AKAP9: variants seen among roughly 807,000 people sequenced by gnomAD.
The protein encoded by AKAP9 is A-kinase anchor protein 9.
A neutral mutation model predicts 488.5 loss-of-function variants in AKAP9; 311 were observed. The ratio of observed to expected loss-of-function variants is 0.64; its 90% CI spans 0.58 to 0.70. The LOEUF (loss-of-function observed/expected upper bound fraction) is 0.70, where lower values mean the gene tolerates loss of function less well. Among genes scored for constraint, AKAP9 ranks in the 30% least tolerant of loss-of-function variants. The pLI is 0.00. For missense variants in AKAP9, 4,215 were observed against 4,374.5 expected, an observed-to-expected ratio of 0.96 and a Z score of 1.03; for synonymous variants, 1,462 against 1,483.5, an observed-to-expected ratio of 0.99 and a Z score of 0.33.
At chr7:92,043,118 A>G in intron 20 of AKAP9, 1 of 184,382 alleles carries the variant, frequency 5.4e-6, no homozygotes, top group South Asian at 1.2e-4. Context: ...GTTATCCTAC[A>G]TTAGTATTAA....
Position 92,019,086 on chromosome 7 carries a change from T to G in AKAP9, c.3837+1984T>G, listed in dbSNP as rs149572210. ...AGTACAAAGAATATGAAAGAAAAAT[T>G]TATACTTTGTTCTCATTCAGTTATA... On this transcript the variant is annotated intron_variant, in intron 12 of 49. Transcript: ENST00000356239. 2.0e-3 allele frequency among the ~76,000 whole-genome samples: 306 copies of G among 152,244 alleles called. 2 individuals are homozygous for G. Among genetic ancestry groups the G allele is most frequent in the Non-Finnish European group, 3.2e-3 (220 of 68,014 alleles).
intron 12 of AKAP9, among the ~76,000 whole-genome samples, chr7:92,020,166 G>C (rs1376527125): frequency 6.6e-6 from 1 of 152,194 alleles, no homozygotes; most frequent in Non-Finnish European, 1.5e-5. Flanking sequence ...AGGCATTTCA[G>C]AGTTACTTTG....
At chr7:91,988,129 C>A (rs757356908) in intron 3 of AKAP9, among the ~76,000 whole-genome samples, 1 of 151,814 alleles carries the variant, frequency 6.6e-6, no homozygotes, top group Non-Finnish European at 1.5e-5. Flanking sequence ...TTATTCCACA[C>A]GGTAAGATAG....
At chr7:91,969,102 T>G (rs984134906) in intron 1 of AKAP9, among the ~76,000 whole-genome samples, 10 of 151,828 alleles carry the variant, frequency 6.6e-5, no homozygotes, top group African/African-American at 2.4e-4. Context: ...GTTGCCCAGG[T>G]TGGTTTTGAA....
intron 2 of AKAP9, among the ~76,000 whole-genome samples, chr7:91,979,972 G>A (rs1796181560): frequency 6.6e-6 from 1 of 152,194 alleles, no homozygotes. Context: ...GGGGGCTACT[G>A]TATGAGGATT....
At chr7:92,077,920 T>C (rs947594834) in intron 30 of AKAP9, 45 bp downstream of exon 30, 2 of 1,446,916 alleles carry the variant, frequency 1.4e-6, no homozygotes, top group African/African-American at 2.8e-5. Flanking sequence ...TGAACCAGAG[T>C]TTTAAAGGGC....
In AKAP9 at chr7:92,096,811, T is replaced by C; in HGVS notation, c.9852T>C (p.Tyr3284=). The C allele has an allele frequency of 1.2e-6, 2 of 1,614,226 alleles. No homozygotes were observed. Among genetic ancestry groups the C allele is most frequent in the South Asian group, 1.1e-5 (1 of 91,084 alleles). The change falls in exon 41 of 50, where the codon TAT becomes TAC. Residue 3284 remains tyrosine, a synonymous_variant. Transcript: ENST00000356239. ...QQKIESQRML[Y]DAQLSEEQGR... ...AAATAGAATCACAGAGAATGCTATA[T>C]GATGCCCAGTTGTCAGAAGAACAAG...
chr7:92,028,476 C>T (rs887484244), intron 14 of AKAP9, among the ~76,000 whole-genome samples: 1 of 151,476 alleles, frequency 6.6e-6, no homozygotes, highest in African/African-American at 2.4e-5. Flanking sequence ...ATGAGGAAAA[C>T]AGAGACAAAA....
In AKAP9 at chr7:91,995,729, T is replaced by G; in HGVS notation, c.859T>G (p.Tyr287Asp). The G allele has an allele frequency of 9.3e-6, 15 of 1,613,656 alleles. No individual in the cohort carries two copies. Among genetic ancestry groups the G allele is most frequent in the Non-Finnish European group, 1.2e-5 (14 of 1,179,596 alleles). ...LEEQDHLLED[Y>D]QKKKEDFTMQ... ...AGAACAAGACCACTTATTAGAAGATTATCAGAAAAAGAAAGAAGACTTCAC... is the reference window on the plus strand; with the variant it reads ...AGAACAAGACCACTTATTAGAAGATGATCAGAAAAAGAAAGAAGACTTCAC... Residue 287 changes from tyrosine (Y) to aspartate (D), a missense_variant, in exon 7 of 50, where the codon TAT becomes GAT. Around this residue, in one of 5 missense-constraint regions of AKAP9, gnomAD observed 2,361 missense variants for 2,430.0 expected, o/e 0.97. Coordinates refer to ENST00000356239, the MANE Select transcript of AKAP9 (RefSeq NM_005751.5).
At chr7:92,093,810 A>C (rs1816058748) in intron 39 of AKAP9, among the ~76,000 whole-genome samples, 1 of 152,006 alleles carries the variant, frequency 6.6e-6, no homozygotes, top group Non-Finnish European at 1.5e-5. Flanking sequence ...TAAAAGACAA[A>C]AATTTTATTT....
At chr7:92,042,223 C>T in intron 19 of AKAP9, 37 bp downstream of exon 19, 2 of 1,612,590 alleles carry the variant, frequency 1.2e-6, no homozygotes, top group Non-Finnish European at 1.7e-6. Flanking sequence ...AGCAATGGAT[C>T]ACCAATTCAG....
intron 2 of AKAP9, among the ~76,000 whole-genome samples, chr7:91,978,423 A>G (rs1010822462): frequency 1.3e-5 from 2 of 151,634 alleles, no homozygotes; most frequent in African/African-American, 4.9e-5. Flanking sequence ...GAAAGGAGAC[A>G]GTGACAGTTA....
intron 48 of AKAP9, chr7:92,108,031 A>G (rs1472817967): frequency 1.6e-5 from 3 of 184,920 alleles, no homozygotes; most frequent in South Asian, 1.1e-4. Context: ...AAAAAAAAAA[A>G]AAAGAAAAAA....
chr7:91,987,945 G>A (rs902916300), intron 3 of AKAP9, among the ~76,000 whole-genome samples: 1 of 152,098 alleles, frequency 6.6e-6, no homozygotes, highest in Admixed American at 6.6e-5. Flanking sequence ...GCCAAGGTGG[G>A]AAGATCACTG....
Position 92,042,105 on chromosome 7 carries a change from G to T in AKAP9, c.4977G>T (p.Glu1659Asp). 6.2e-7 allele frequency: 1 copy of T among 1,613,970 alleles called. No homozygotes were observed. Among genetic ancestry groups the T allele is most frequent in the Non-Finnish European group, 8.5e-7 (1 of 1,179,940 alleles). The stretch of plus-strand genomic sequence containing the variant: ...AGAGAGAGAGGGTGCTTTTAGAGGA[G>T]CTGGAAGCACTAAAGCAGCTGTCTT... ...VSERERVLLE[E>D]LEALKQLSLA... Residue 1659 changes from glutamate to aspartate, a missense_variant, in exon 19 of 50, where the codon GAG (glutamate) becomes GAT (aspartate). By Grantham distance (45) the Glu-to-Asp change is conservative. Around this residue, in one of 5 missense-constraint regions of AKAP9, gnomAD observed 2,361 missense variants for 2,430.0 expected, o/e 0.97. Coordinates refer to ENST00000356239, the MANE Select transcript of AKAP9 (RefSeq NM_005751.5).
In AKAP9 at chr7:92,083,671, A is replaced by G. The variant is rs374045930; in HGVS notation, c.8646+16A>G. 2 of 1,608,718 alleles carry G rather than the reference A, an allele frequency of 1.2e-6. No homozygotes were observed. Among genetic ancestry groups the G allele is most frequent in the African/African-American group, 2.7e-5 (2 of 74,314 alleles). ...AAGTAAAGAGGTATTTGGTTTTTAT[A>G]ATATGTGTTTTTCAACATTGTGTGG... On this transcript the variant is annotated intron_variant, in intron 33 of 49. Transcript: ENST00000356239.
intron 33 of AKAP9, among the ~76,000 whole-genome samples, chr7:92,084,124 G>C (rs1037618010): frequency 6.6e-6 from 1 of 152,172 alleles, no homozygotes; most frequent in Non-Finnish European, 1.5e-5. Context: ...ATGGTTTCCA[G>C]CTTCATCTAT....
intron 24 of AKAP9, among the ~76,000 whole-genome samples, chr7:92,063,678 A>G (rs970279253): frequency 6.6e-6 from 1 of 152,156 alleles, no homozygotes; most frequent in African/African-American, 2.4e-5. Flanking sequence ...TAAAAGTACA[A>G]ATTTTCATTT....
At chr7:92,031,367 A>G in intron 15 of AKAP9, 145 bp from the exon 16 acceptor site, 1 of 608,544 alleles carries the variant, frequency 1.6e-6, no homozygotes, top group South Asian at 2.0e-5. Flanking sequence ...TTTTTAATTG[A>G]GAGAATTAAA....
Sources: allele counts gnomAD v4.1 joint callset (sites outside exome capture counted in the v4.1 genomes callset), GRCh38; gene constraint gnomAD v4.1.1; regional missense constraint gnomAD v4.1.1; transcripts MANE v1.5; gene names NCBI Gene and HGNC (gene_info 2026-07-23, HGNC 2026-07-21).